The following CFHR5 variants were observed in gnomAD, a reference collection of about 807,000 sequenced individuals.
CFHR5 encodes the protein complement factor H related 5.
A neutral mutation model predicts 62.9 loss-of-function variants in CFHR5; 73 were observed. That is an observed-to-expected ratio of 1.16 (90% CI 0.96 to 1.41). The LOEUF is 1.41. Among genes scored for constraint, CFHR5 ranks in the 40% most tolerant of loss-of-function variants. The probability of loss-of-function intolerance (pLI) is 0.00; values close to 1 mark genes in which losing one functional copy is unlikely to be tolerated. For synonymous variants in CFHR5, 249 were observed against 227.2 expected (o/e 1.10, Z -0.86); for missense variants, 779 against 679.9 (o/e 1.15, Z -1.62).
At chr1:197,004,914 T>C (rs969143048) in intron 9 of CFHR5, 71 bp downstream of exon 9, 45 of 1,143,394 alleles carry the variant, frequency 3.9e-5, no homozygotes, top group Non-Finnish European at 5.4e-5. Flanking sequence ...ACTAATTTCA[T>C]AGAATAACCC....
In CFHR5 at chr1:197,004,659, A is replaced by G. The variant is rs148301128; in HGVS notation, c.1331-2A>G. 13 of 1,611,488 alleles carry G rather than the reference A, an allele frequency of 8.1e-6. No homozygotes were observed. The African/African-American group carries it at 1.3e-4, about 17-fold the overall frequency. On this transcript the variant is annotated splice_acceptor_variant, in intron 8 of 9. Transcript: ENST00000256785. LOFTEE classifies it high-confidence loss of function. ...TCTCAACAAATAAATGCTGTTTTCC[A>G]GAGTCTACTGCATATTGTGGGCCCC...
At position 196,994,212 on chromosome 1, in the gene CFHR5, A is replaced by T. The variant is rs765820738; in HGVS notation, c.563A>T (p.Gln188Leu). The T allele has an allele frequency of 1.9e-5, 30 of 1,613,620 alleles. No individual in the cohort carries two copies. The South Asian group carries it at 3.1e-4, about 17-fold the overall frequency. The change falls in exon 4 of 10, where the codon CAA becomes CTA. Residue 188 changes from glutamine to leucine, a missense_variant. Physicochemically the swap from Gln to Leu is moderately radical, Grantham distance 113. Transcript: ENST00000256785. ...ATAAGAGTTGGATCAGACTCAGTTC[A>T]ATGTTACCAATTTGGGTGGTCACCT... ...NLIRVGSDSV[Q>L]CYQFGWSPNF...
chr1:196,990,182 G>T (rs1653808415), intron 3 of CFHR5, among the ~76,000 whole-genome samples: 1 of 151,954 alleles, frequency 6.6e-6, no homozygotes, highest in Non-Finnish European at 1.5e-5. Context: ...CAGAGGCTAG[G>T]ATTACAACCC....
At chr1:196,995,696 T>C (rs1653970007) in intron 4 of CFHR5, 21 bp from the exon 5 acceptor site, 1 of 1,601,746 alleles carries the variant, frequency 6.2e-7, no homozygotes. Context: ...TTAAGCATTA[T>C]TTATGGTTTC....
At chr1:196,995,514 TC>T (rs1653964703) in intron 4 of CFHR5, among the ~76,000 whole-genome samples, 1 of 152,134 alleles carries the variant, frequency 6.6e-6, no homozygotes, top group African/African-American at 2.4e-5. Flanking sequence ...TTTCATTTGC[TC>T]AAAATTGTTC....
chr1:196,984,602 G>C (rs1162153187), intron 3 of CFHR5, among the ~76,000 whole-genome samples: 1 of 152,178 alleles, frequency 6.6e-6, no homozygotes, highest in East Asian at 1.9e-4. Context: ...GAGCGGCTTA[G>C]AATTTGGAAA....
chr1:197,006,889 C>T (rs7535993), intron 9 of CFHR5, among the ~76,000 whole-genome samples: 87,358 of 150,866 alleles, frequency 0.58, 27,652 homozygotes, highest in East Asian at 0.82. Context: ...CAGGCTGGAG[C>T]GCAGTGGCGT....
chr1:197,008,645 TG>T lies in CFHR5; in HGVS notation c.1673del (p.Cys558PhefsTer35). 1.2e-6 allele frequency: 2 copies of T among 1,613,894 alleles called. No homozygotes were observed. On this transcript the variant is annotated frameshift_variant, in exon 10 of 10. Coordinates refer to ENST00000256785, the MANE Select transcript of CFHR5 (RefSeq NM_030787.4). LOFTEE classifies it low-confidence loss of function (END_TRUNC). ...ATCATCACCACCATTTCGAGCAATC[TG>T]TCAGGAAGGGAAATTTGAATATCCT... ...MISSPPFRAI[C>X]QEGKFEYPIC...
chr1:196,984,994 G>GT (rs1345534343), intron 3 of CFHR5, among the ~76,000 whole-genome samples: 6 of 152,018 alleles, frequency 3.9e-5, no homozygotes, highest in African/African-American at 4.8e-5. Context: ...AGTATTGAGG[G>GT]TTTTTTCCTT....
At chr1:196,990,996 G>A (rs989819755) in intron 3 of CFHR5, among the ~76,000 whole-genome samples, 1 of 151,586 alleles carries the variant, frequency 6.6e-6, no homozygotes, top group Non-Finnish European at 1.5e-5. Context: ...TCACTTTCAG[G>A]TACAGCAATC....
At chr1:196,981,296 T>C (rs1260086262) in intron 1 of CFHR5, among the ~76,000 whole-genome samples, 1 of 152,042 alleles carries the variant, frequency 6.6e-6, no homozygotes, top group Non-Finnish European at 1.5e-5. Flanking sequence ...AAAGATAAAG[T>C]ACATCAAATC....
At chr1:196,986,643 T>A (rs2125028865) in intron 3 of CFHR5, among the ~76,000 whole-genome samples, 1 of 152,104 alleles carries the variant, frequency 6.6e-6, no homozygotes, top group South Asian at 2.1e-4. Flanking sequence ...CTTGTGATAG[T>A]TTTCTCAGAA....
chr1:197,000,522 C>T (rs1168867584), intron 7 of CFHR5, among the ~76,000 whole-genome samples: 1 of 152,062 alleles, frequency 6.6e-6, no homozygotes, highest in East Asian at 1.9e-4. Context: ...AATATAAAAA[C>T]AATAGTATAT....
In CFHR5 at chr1:197,004,668, T is replaced by C. The variant is rs781175814; in HGVS notation, c.1338T>C (p.Thr446=). ...WQSLPRCVES[T]AYCGPPPSIN... is the part of the protein sequence containing the mutation. ...ATAAATGCTGTTTTCCAGAGTCTAC[T>C]GCATATTGTGGGCCCCCTCCATCTA... The change falls in exon 9 of 10, where the codon ACT becomes ACC. Residue 446 remains threonine, a synonymous_variant. Coordinates refer to ENST00000256785, the MANE Select transcript of CFHR5 (RefSeq NM_030787.4). 9 of 1,612,830 alleles carry C rather than the reference T, an allele frequency of 5.6e-6. No homozygotes were observed. Among genetic ancestry groups the C allele is most frequent in the Non-Finnish European group, 7.6e-6 (9 of 1,178,852 alleles).
At chr1:196,983,736 A>G (rs1315093177) in intron 2 of CFHR5, among the ~76,000 whole-genome samples, 1 of 152,176 alleles carries the variant, frequency 6.6e-6, no homozygotes, top group Non-Finnish European at 1.5e-5. Context: ...CAAGATTTTT[A>G]TTATAAAAAC....
intron 6 of CFHR5, among the ~76,000 whole-genome samples, chr1:196,997,772 A>T (rs984433456): frequency 5.9e-5 from 9 of 152,130 alleles, no homozygotes; most frequent in African/African-American, 2.2e-4. Flanking sequence ...TGTTTTGAAG[A>T]TATTTAAGAT....
chr1:196,993,182 GT>G (rs1280009494), intron 3 of CFHR5, among the ~76,000 whole-genome samples: 2 of 152,058 alleles, frequency 1.3e-5, no homozygotes, highest in Admixed American at 6.6e-5. Flanking sequence ...ACCTAGATGG[GT>G]TTTTTAAAAG....
intron 3 of CFHR5, among the ~76,000 whole-genome samples, chr1:196,987,589 A>G (rs889610771): frequency 3.3e-4 from 50 of 152,174 alleles, no homozygotes; most frequent in African/African-American, 1.2e-3. Flanking sequence ...ATGGCCAGGC[A>G]GTTTTCCCAG....
rs748127696 is a variant in CFHR5, at chr1:196,998,274, G to A, written c.1117G>A (p.Gly373Arg). The change falls in exon 7 of 10, where the codon GGG (glycine) becomes AGG (arginine). Residue 373 changes from glycine to arginine, a missense_variant. Transcript: ENST00000256785. ...FRYRHSVCIN[G>R]KWNPEVDCTE... ...ATACAGGCACTCAGTCTGTATAAACGGGAAATGGAATCCTGAAGTAGACTG... is the reference window on the plus strand; with the variant it reads ...ATACAGGCACTCAGTCTGTATAAACAGGAAATGGAATCCTGAAGTAGACTG... 5.0e-6 allele frequency: 8 copies of A among 1,611,186 alleles called. No individual in the cohort carries two copies. Among genetic ancestry groups the A allele is most frequent in the Middle Eastern group, 1.6e-4 (1 of 6,066 alleles).
Sources: gnomAD v4.1 joint callset for allele counts (sites outside exome capture counted in the v4.1 genomes callset) on GRCh38, gnomAD v4.1.1 for gene constraint, MANE v1.5 for transcripts, NCBI Gene and HGNC (gene_info 2026-07-23, HGNC 2026-07-21) for gene names.